Variants in CCDC171 observed in about 807,000 individuals in gnomAD.
CCDC171 encodes coiled-coil domain-containing protein 171.
A neutral mutation model predicts 168.2 loss-of-function variants in CCDC171; 177 were observed. That is an observed-to-expected ratio of 1.05 (90% confidence interval 0.93 to 1.19). The LOEUF is 1.19. CCDC171 is among the 50% of genes most tolerant of loss of function. The probability of loss-of-function intolerance (pLI) is 0.00; values close to 1 mark genes in which losing one functional copy is unlikely to be tolerated. For missense variants in CCDC171, 1,991 were observed against 1,539.0 expected, an observed-to-expected ratio of 1.29 and a Z score of -4.91; for synonymous variants, 687 against 540.8, an observed-to-expected ratio of 1.27 and a Z score of -3.75.
chr9:15,611,537 G>T (rs973292649), intron 6 of CCDC171, among the ~76,000 whole-genome samples: 2 of 152,130 alleles, frequency 1.3e-5, no homozygotes, highest in Non-Finnish European at 2.9e-5. Flanking sequence ...TATGAGTGTA[G>T]GAGTCAGTGC....
At chr9:15,772,614 TGAAA>T (rs1159474743) in intron 18 of CCDC171, among the ~76,000 whole-genome samples, 3 of 152,308 alleles carry the variant, frequency 2.0e-5, no homozygotes, top group African/African-American at 7.2e-5. Flanking sequence ...GATGTTCCTG[TGAAA>T]GTAAGTAGGG....
At chr9:15,751,031 G>C (rs774504914) in intron 18 of CCDC171, among the ~76,000 whole-genome samples, 2 of 152,128 alleles carry the variant, frequency 1.3e-5, no homozygotes, top group African/African-American at 2.4e-5. Context: ...AAACCCCATC[G>C]TCTCAGCCCA....
At chr9:15,883,215 A>T (rs771268728) in intron 24 of CCDC171, 1 of 174,322 alleles carries the variant, frequency 5.7e-6, no homozygotes, top group Admixed American at 6.1e-5. Flanking sequence ...TTTTTTGTAG[A>T]TAATATTTTA....
chr9:15,664,860 G>A (rs1268215724), intron 8 of CCDC171, among the ~76,000 whole-genome samples: 1 of 151,594 alleles, frequency 6.6e-6, no homozygotes, highest in African/African-American at 2.4e-5. Flanking sequence ...CACCACGCCT[G>A]GCTCATTTTG....
chr9:15,952,595 C>A (rs1173169437), intron 25 of CCDC171, among the ~76,000 whole-genome samples: 1 of 151,988 alleles, frequency 6.6e-6, no homozygotes, highest in Non-Finnish European at 1.5e-5. Context: ...CGGGGTTTCT[C>A]CATGTTGGTC....
At chr9:15,729,910 G>A (rs565204009) in intron 16 of CCDC171, 112 bp downstream of exon 16, 61 of 744,890 alleles carry the variant, frequency 8.2e-5, no homozygotes, top group Middle Eastern at 3.3e-4. Flanking sequence ...TAAGAACTTC[G>A]TAGAACTTGT....
intron 18 of CCDC171, among the ~76,000 whole-genome samples, chr9:15,747,450 G>C (rs12343107): frequency 0.012 from 1,858 of 152,290 alleles, 39 homozygotes; most frequent in African/African-American, 0.042. Flanking sequence ...CGTGTAGCCT[G>C]ACTGGGAGAC....
At chr9:15,771,922 T>TCCCGGGTTCAAGTGATTATTGTG (rs1273288779) in intron 18 of CCDC171, among the ~76,000 whole-genome samples, 28 of 152,284 alleles carry the variant, frequency 1.8e-4, no homozygotes, top group African/African-American at 5.5e-4. Context: ...AACCTCTGCC[T>TCCCGGGTTCAAGTGATTATTGTG]CCCGGGTTCA....
intron 21 of CCDC171, among the ~76,000 whole-genome samples, chr9:15,828,709 A>G (rs528379522): frequency 9.9e-5 from 15 of 152,174 alleles, no homozygotes; most frequent in East Asian, 1.9e-4. Context: ...AATGAAAACT[A>G]TTTTTTCAAA....
intron 24 of CCDC171, among the ~76,000 whole-genome samples, chr9:15,880,279 AGTT>A (rs1818440452): frequency 6.6e-6 from 1 of 152,172 alleles, no homozygotes; most frequent in South Asian, 2.1e-4. Flanking sequence ...GATTATCCAA[AGTT>A]GTTGTCTATA....
chr9:15,985,150 A>G (rs1376750893), intron 3 of CCDC171, among the ~76,000 whole-genome samples: 1 of 152,164 alleles, frequency 6.6e-6, no homozygotes, highest in African/African-American at 2.4e-5. Context: ...CAGCAGAGGA[A>G]CATTTCACTG....
chr9:15,699,848 A>G (rs1434130910), intron 11 of CCDC171, among the ~76,000 whole-genome samples: 1 of 152,138 alleles, frequency 6.6e-6, no homozygotes, highest in Admixed American at 6.5e-5. Context: ...CCTGAGCTAG[A>G]CACAGGGTGC....
At chr9:15,632,523 G>T (rs1286488060) in intron 7 of CCDC171, among the ~76,000 whole-genome samples, 1 of 152,040 alleles carries the variant, frequency 6.6e-6, no homozygotes, top group East Asian at 1.9e-4. Context: ...AATAAAAGAG[G>T]ATACAAACAA....
At chr9:15,626,546 G>T (rs1215364439) in intron 7 of CCDC171, among the ~76,000 whole-genome samples, 2 of 152,134 alleles carry the variant, frequency 1.3e-5, no homozygotes, top group African/African-American at 4.8e-5. Context: ...TTTGTCAAAG[G>T]CCTTTTCTGC....
intron 24 of CCDC171, among the ~76,000 whole-genome samples, chr9:15,879,009 A>G (rs1237426205): frequency 6.6e-6 from 1 of 152,074 alleles, no homozygotes; most frequent in African/African-American, 2.4e-5. Context: ...AAAAATAACT[A>G]TTGAGAACTA....
chr9:16,092,598 A>G, the CCDC171 span, among the ~76,000 whole-genome samples: 1 of 152,036 alleles, frequency 6.6e-6, no homozygotes, highest in Non-Finnish European at 1.5e-5. Flanking sequence ...TCTGCAGAAC[A>G]CTTGAAAAAA....
intron 16 of CCDC171, among the ~76,000 whole-genome samples, chr9:15,733,962 A>G (rs1408684962): frequency 6.6e-6 from 1 of 151,968 alleles, no homozygotes; most frequent in African/African-American, 2.4e-5. Context: ...TTTTGTAGAG[A>G]TGAGGTCTCA....
chr9:15,905,864 A>G (rs1822505144), intron 24 of CCDC171, among the ~76,000 whole-genome samples: 1 of 152,222 alleles, frequency 6.6e-6, no homozygotes, highest in East Asian at 1.9e-4. Context: ...CCAAAGAAAT[A>G]CAAACTGCCA....
intron 25 of CCDC171, among the ~76,000 whole-genome samples, chr9:15,930,047 A>G (rs1174480017): frequency 6.6e-6 from 1 of 151,736 alleles, no homozygotes; most frequent in Non-Finnish European, 1.5e-5. Context: ...TTGTGTATGT[A>G]TTAGCATATT....
Sources: allele counts gnomAD v4.1 joint callset (sites outside exome capture counted in the v4.1 genomes callset), GRCh38; gene constraint gnomAD v4.1.1; transcripts MANE v1.5; gene names NCBI Gene and HGNC (gene_info 2026-07-23, HGNC 2026-07-21).